Variants in CNTNAP2 observed in about 807,000 individuals in gnomAD.
The protein encoded by CNTNAP2 is contactin-associated protein-like 2.
A neutral mutation model predicts 155.2 loss-of-function variants in CNTNAP2; 98 were observed. The ratio of observed to expected loss-of-function variants is 0.63; its 90% CI spans 0.54 to 0.75. The LOEUF (loss-of-function observed/expected upper bound fraction) is 0.75. CNTNAP2 is among the 30% of genes least tolerant of loss of function. The pLI is 0.00. For synonymous variants in CNTNAP2, 651 were observed against 631.2 expected (o/e 1.03, Z -0.47); for missense variants, 1,727 against 1,688.1 (o/e 1.02, Z -0.40).
At chr7:147,436,511 A>G (rs1462584695) in intron 10 of CNTNAP2, among the ~76,000 whole-genome samples, 1 of 152,174 alleles carries the variant, frequency 6.6e-6, no homozygotes. Flanking sequence ...TGAGTGTGAA[A>G]ATTACAAGAT....
At chr7:146,352,413 A>G (rs533483033) in intron 1 of CNTNAP2, among the ~76,000 whole-genome samples, 4 of 152,262 alleles carry the variant, frequency 2.6e-5, no homozygotes, top group Admixed American at 2.6e-4. Flanking sequence ...TTTTTAATTT[A>G]TCATATGCCT....
chr7:147,227,108 G>A (rs1803565037), intron 8 of CNTNAP2, among the ~76,000 whole-genome samples: 2 of 152,162 alleles, frequency 1.3e-5, no homozygotes, highest in African/African-American at 4.8e-5. Context: ...CTGAGAAGAT[G>A]GCAATTTAGT....
At chr7:148,167,912 G>GTA (rs1468460257) in intron 17 of CNTNAP2, among the ~76,000 whole-genome samples, 1 of 152,138 alleles carries the variant, frequency 6.6e-6, no homozygotes, top group Non-Finnish European at 1.5e-5. Flanking sequence ...AATGAACCCT[G>GTA]TATATATAAA....
At chr7:147,681,673 A>G (rs1795949273) in intron 13 of CNTNAP2, among the ~76,000 whole-genome samples, 1 of 151,942 alleles carries the variant, frequency 6.6e-6, no homozygotes, top group African/African-American at 2.4e-5. Context: ...TATCTGCTCA[A>G]CAGAAAGTTA....
intron 11 of CNTNAP2, among the ~76,000 whole-genome samples, chr7:147,532,331 T>A (rs771590683): frequency 6.6e-6 from 1 of 152,202 alleles, no homozygotes; most frequent in African/African-American, 2.4e-5. Context: ...TTGCTAAACA[T>A]AACAAAACTT....
intron 3 of CNTNAP2, among the ~76,000 whole-genome samples, chr7:146,940,567 T>G (rs1797031634): frequency 1.3e-5 from 2 of 152,102 alleles, no homozygotes; most frequent in Admixed American, 1.3e-4. Flanking sequence ...TGTGTGTATG[T>G]ATTACCATAT....
chr7:147,851,663 GA>G (rs1798943981), intron 13 of CNTNAP2, among the ~76,000 whole-genome samples: 1 of 149,936 alleles, frequency 6.7e-6, no homozygotes, highest in African/African-American at 2.5e-5. Flanking sequence ...CACAAGGACA[GA>G]AAACCAAACA....
chr7:146,600,025 T>A (rs919928631), intron 1 of CNTNAP2, among the ~76,000 whole-genome samples: 1 of 152,082 alleles, frequency 6.6e-6, no homozygotes, highest in African/African-American at 2.4e-5. Flanking sequence ...TAAGGGTTAG[T>A]CTAACATTTA....
intron 8 of CNTNAP2, among the ~76,000 whole-genome samples, chr7:147,262,809 C>A (rs1170261941): frequency 6.6e-6 from 1 of 151,826 alleles, no homozygotes; most frequent in Admixed American, 6.6e-5. Flanking sequence ...GACTCCGTCT[C>A]AAAAAAAGAC....
At chr7:147,860,474 C>A (rs968007022) in intron 13 of CNTNAP2, among the ~76,000 whole-genome samples, 16 of 151,640 alleles carry the variant, frequency 1.1e-4, no homozygotes, top group Admixed American at 9.9e-4. Flanking sequence ...TCTATAATCC[C>A]AGCTACTCGG....
At chr7:146,444,045 A>AT (rs1031193274) in intron 1 of CNTNAP2, among the ~76,000 whole-genome samples, 15 of 152,020 alleles carry the variant, frequency 9.9e-5, no homozygotes, top group Non-Finnish European at 1.9e-4. Flanking sequence ...TATTTATTAA[A>AT]TTTTTTTGAC....
intron 18 of CNTNAP2, among the ~76,000 whole-genome samples, chr7:148,204,843 T>G (rs1795422744): frequency 6.6e-6 from 1 of 152,236 alleles, no homozygotes; most frequent in Admixed American, 6.5e-5. Flanking sequence ...GACTCTTGAC[T>G]CTGTGATTAG....
At chr7:147,644,925 T>A (rs1795342198) in intron 13 of CNTNAP2, among the ~76,000 whole-genome samples, 1 of 152,162 alleles carries the variant, frequency 6.6e-6, no homozygotes, top group African/African-American at 2.4e-5. Flanking sequence ...TAAAAAGTTA[T>A]CTTCCCTATT....
At chr7:147,536,291 C>T (rs367736319) in intron 11 of CNTNAP2, among the ~76,000 whole-genome samples, 15 of 152,328 alleles carry the variant, frequency 9.8e-5, no homozygotes, top group African/African-American at 2.9e-4. Flanking sequence ...GCATCTATCA[C>T]GCACAGGGTG....
intron 1 of CNTNAP2, among the ~76,000 whole-genome samples, chr7:146,524,963 C>T (rs1327015908): frequency 6.6e-6 from 1 of 151,886 alleles, no homozygotes; most frequent in East Asian, 1.9e-4. Flanking sequence ...CCTGGAGTTT[C>T]TAAAAATGAG....
rs144167966 is a variant in CNTNAP2, at chr7:146,878,267, T to C, written c.402+38363T>C. 2.7e-3 allele frequency among the ~76,000 whole-genome samples: 408 copies of C among 152,236 alleles called. 1 individual carries two copies. Among genetic ancestry groups the C allele is most frequent in the African/African-American group, 9.4e-3 (391 of 41,564 alleles). ...ATTGACTTCTTGTCCTTGATCTTCT[T>C]CTTCCATTTGGCCAGTGGCAAACCC... On this transcript the variant is annotated intron_variant, in intron 3 of 23. Transcript: ENST00000361727.
chr7:147,896,375 G>A (rs572482788), intron 13 of CNTNAP2, among the ~76,000 whole-genome samples: 24 of 152,264 alleles, frequency 1.6e-4, no homozygotes, highest in Non-Finnish European at 2.4e-4. Context: ...AGACAGAGTC[G>A]ATTCATCAAG....
chr7:147,940,541 T>TATTTA (rs1445428771), intron 14 of CNTNAP2, among the ~76,000 whole-genome samples: 1 of 152,084 alleles, frequency 6.6e-6, no homozygotes, highest in Non-Finnish European at 1.5e-5. Context: ...TTTATTTATT[T>TATTTA]ATTTATTTTT....
At chr7:147,442,985 G>A (rs924097987) in intron 10 of CNTNAP2, among the ~76,000 whole-genome samples, 3 of 152,066 alleles carry the variant, frequency 2.0e-5, no homozygotes, top group Non-Finnish European at 2.9e-5. Flanking sequence ...GGGAGAGGTG[G>A]TGCAAGCACT....
Sources: allele counts gnomAD v4.1 joint callset (sites outside exome capture counted in the v4.1 genomes callset), GRCh38; gene constraint gnomAD v4.1.1; transcripts MANE v1.5; gene names NCBI Gene and HGNC (gene_info 2026-07-23, HGNC 2026-07-21).